Variants in SUGCT observed in about 807,000 individuals in gnomAD.
The protein encoded by SUGCT is succinyl-CoA:glutarate CoA-transferase.
In SUGCT, 41 loss-of-function variants were observed where a neutral mutation model predicts 55.0. The ratio of observed to expected loss-of-function variants is 0.74; its 90% CI spans 0.58 to 0.97. The LOEUF (loss-of-function observed/expected upper bound fraction) is 0.97, where lower values mean the gene tolerates loss of function less well. SUGCT is among the 50% of genes least tolerant of loss of function. The pLI is 0.00. For missense variants in SUGCT, 568 were observed against 547.8 expected (o/e 1.04, Z -0.37); for synonymous variants, 187 against 200.4 (o/e 0.93, Z 0.56).
chr7:40,274,762 C>A, intron 8 of SUGCT, 106 bp downstream of exon 8: 4 of 950,232 alleles, frequency 4.2e-6, no homozygotes, highest in Non-Finnish European at 3.2e-6. Context: ...ATACAAAAAC[C>A]AACACAACAA....
chr7:41,002,510 C>A, the SUGCT span, among the ~76,000 whole-genome samples: 844 of 152,224 alleles, frequency 5.5e-3, 10 homozygotes, highest in African/African-American at 0.019. Flanking sequence ...GAAATCGTTG[C>A]TTGGGAGAGC....
At chr7:40,358,355 T>C (rs1029710133) in intron 9 of SUGCT, among the ~76,000 whole-genome samples, 11 of 152,120 alleles carry the variant, frequency 7.2e-5, no homozygotes, top group Admixed American at 5.2e-4. Flanking sequence ...AGGAGTATAG[T>C]AGACAAACAC....
the SUGCT span, among the ~76,000 whole-genome samples, chr7:40,945,166 T>C: frequency 1.3e-5 from 2 of 151,940 alleles, no homozygotes; most frequent in Admixed American, 6.6e-5. Context: ...GGGTCCAAGT[T>C]TTGACAGAGG....
the SUGCT span, among the ~76,000 whole-genome samples, chr7:40,874,774 G>A: frequency 1.1e-4 from 16 of 152,308 alleles, no homozygotes; most frequent in African/African-American, 3.8e-4. Flanking sequence ...CACACTTAGT[G>A]CTCTAGAAAC....
the SUGCT span, among the ~76,000 whole-genome samples, chr7:40,951,497 T>C: frequency 3.3e-5 from 5 of 152,238 alleles, no homozygotes; most frequent in Non-Finnish European, 7.3e-5. Flanking sequence ...TTCTGCTAGC[T>C]TTTGAATGTG....
intron 12 of SUGCT, among the ~76,000 whole-genome samples, chr7:40,638,793 T>C (rs1391028665): frequency 2.0e-5 from 3 of 152,056 alleles, no homozygotes; most frequent in African/African-American, 7.2e-5. Context: ...AAACAGGTCA[T>C]GACTGGGTGA....
At chr7:40,705,841 G>A (rs574091061) in intron 12 of SUGCT, among the ~76,000 whole-genome samples, 2 of 152,148 alleles carry the variant, frequency 1.3e-5, no homozygotes, top group Non-Finnish European at 1.5e-5. Flanking sequence ...TTCCATGGTG[G>A]CATATCTCAG....
chr7:40,746,582 G>A (rs1787744058), intron 12 of SUGCT, among the ~76,000 whole-genome samples: 1 of 152,194 alleles, frequency 6.6e-6, no homozygotes, highest in South Asian at 2.1e-4. Flanking sequence ...TCAATGCAAA[G>A]GCATTGATAA....
intron 9 of SUGCT, among the ~76,000 whole-genome samples, chr7:40,337,949 G>A (rs1584717977): frequency 6.6e-6 from 1 of 152,186 alleles, no homozygotes; most frequent in Non-Finnish European, 1.5e-5. Flanking sequence ...GCCTGGTGGT[G>A]ACAAAATCTC....
At chr7:40,908,188 C>G in the SUGCT span, among the ~76,000 whole-genome samples, 1 of 151,452 alleles carries the variant, frequency 6.6e-6, no homozygotes, top group Non-Finnish European at 1.5e-5. Flanking sequence ...ACCATTCTGG[C>G]TAACACGGTG....
chr7:40,188,472 A>ATAGCTCATG, intron 3 of SUGCT, 23 bp from the exon 4 acceptor site: 1 of 1,487,146 alleles, frequency 6.7e-7, no homozygotes, highest in Non-Finnish European at 9.2e-7. Context: ...CCAAAGATTA[A>ATAGCTCATG]TAGCTCATGT....
intron 9 of SUGCT, among the ~76,000 whole-genome samples, chr7:40,318,143 A>G (rs1795536264): frequency 6.6e-6 from 1 of 152,166 alleles, no homozygotes; most frequent in African/African-American, 2.4e-5. Flanking sequence ...TTTTTCAGAT[A>G]AGAAATCTGA....
In SUGCT at chr7:40,804,571, GAA is replaced by G. The variant is rs34213451; in HGVS notation, c.1153+55086_1153+55087del. Among the ~76,000 whole-genome samples the G allele has an allele frequency of 6.2e-4, 90 of 144,854 alleles. 1 individual carries two copies. The East Asian group carries it at 9.3e-3, about 15-fold the overall frequency. ...ACTGTCCGGGCCATTACCCTTCTCA[GAA>G]AAAAAAAAAAATACTTTCAATGCAA... On this transcript the variant is annotated intron_variant, in intron 13 of 13. Transcript: ENST00000335693.
At chr7:40,719,203 G>A (rs1786186701) in intron 12 of SUGCT, among the ~76,000 whole-genome samples, 1 of 152,110 alleles carries the variant, frequency 6.6e-6, no homozygotes, top group Non-Finnish European at 1.5e-5. Flanking sequence ...TGGTATATAG[G>A]CCTTTGCACA....
chr7:41,027,939 T>C, the SUGCT span, among the ~76,000 whole-genome samples: 1 of 152,192 alleles, frequency 6.6e-6, no homozygotes, highest in African/African-American at 2.4e-5. Context: ...TCTGCCTCTG[T>C]GCAAGCTGAT....
chr7:40,325,896 G>GTGT (rs1317181746), intron 9 of SUGCT, among the ~76,000 whole-genome samples: 22 of 68,694 alleles, frequency 3.2e-4, no homozygotes, highest in Non-Finnish European at 5.4e-4. Flanking sequence ...ATGGATGTGC[G>GTGT]TCTTTTTTTT....
intron 12 of SUGCT, among the ~76,000 whole-genome samples, chr7:40,605,825 G>A (rs1435317421): frequency 1.3e-5 from 2 of 152,218 alleles, no homozygotes; most frequent in Non-Finnish European, 2.9e-5. Context: ...AGTAAGACAA[G>A]TTTGGGCGTG....
chr7:40,815,154 C>T (rs970830401), intron 13 of SUGCT, among the ~76,000 whole-genome samples: 3 of 152,212 alleles, frequency 2.0e-5, no homozygotes, highest in Non-Finnish European at 4.4e-5. Context: ...GCACAGTGGT[C>T]TGAGCTCCCT....
the SUGCT span, among the ~76,000 whole-genome samples, chr7:40,878,617 C>T: frequency 6.6e-6 from 1 of 152,090 alleles, no homozygotes; most frequent in African/African-American, 2.4e-5. Flanking sequence ...TTATTTTTCA[C>T]TTGGAAGGCA....
Sources: gnomAD v4.1 joint callset for allele counts (sites outside exome capture counted in the v4.1 genomes callset) on GRCh38, gnomAD v4.1.1 for gene constraint, MANE v1.5 for transcripts, NCBI Gene and HGNC (gene_info 2026-07-23, HGNC 2026-07-21) for gene names.